Variants in PTPRT observed in about 807,000 individuals in gnomAD.
The protein encoded by PTPRT is receptor-type tyrosine-protein phosphatase T.
A neutral mutation model predicts 176.8 loss-of-function variants in PTPRT; 56 were observed. That is an observed-to-expected ratio of 0.32 (90% CI 0.26 to 0.40). The LOEUF is 0.40. PTPRT is among the 10% of genes least tolerant of loss of function. PTPRT has a pLI of 1.00. For synonymous variants in PTPRT, 783 were observed against 739.0 expected, an observed-to-expected ratio of 1.06 and a Z score of -0.96; for missense variants, 1,540 against 1,908.2, an observed-to-expected ratio of 0.81 and a Z score of 3.60.
intron 7 of PTPRT, among the ~76,000 whole-genome samples, chr20:42,549,833 T>C (rs1424379835): frequency 6.6e-6 from 1 of 152,154 alleles, no homozygotes; most frequent in Non-Finnish European, 1.5e-5. Flanking sequence ...TCAACACTAC[T>C]GTGGAAAATC....
intron 7 of PTPRT, among the ~76,000 whole-genome samples, chr20:42,662,617 G>A (rs2075243529): frequency 1.3e-5 from 2 of 152,142 alleles, no homozygotes; most frequent in African/African-American, 4.8e-5. Flanking sequence ...AACAGAGGGG[G>A]AAACTGATTC....
chr20:42,276,496 AATAT>A (rs61484693), intron 13 of PTPRT, among the ~76,000 whole-genome samples: 12 of 44,172 alleles, frequency 2.7e-4, no homozygotes, highest in Non-Finnish European at 3.8e-4. Flanking sequence ...GAAAGAAGGA[AATAT>A]ATATATATAT....
chr20:42,210,857 A>G (rs903397343), intron 15 of PTPRT, among the ~76,000 whole-genome samples: 5 of 152,144 alleles, frequency 3.3e-5, no homozygotes, highest in Non-Finnish European at 5.9e-5. Flanking sequence ...AACCCAAAAG[A>G]ACAAAGCTGG....
intron 1 of PTPRT, among the ~76,000 whole-genome samples, chr20:43,046,314 G>A (rs540650665): frequency 3.9e-5 from 6 of 152,162 alleles, no homozygotes; most frequent in South Asian, 2.1e-4. Flanking sequence ...GCTCGCACCT[G>A]TAATCCCAGC....
chr20:42,388,153 A>G (rs924207885), intron 9 of PTPRT, among the ~76,000 whole-genome samples: 4 of 152,212 alleles, frequency 2.6e-5, no homozygotes, highest in African/African-American at 9.6e-5. Flanking sequence ...CCAGTCCAAA[A>G]CATTAATAGT....
At chr20:42,303,465 C>T (rs564567923) in intron 12 of PTPRT, among the ~76,000 whole-genome samples, 10 of 152,276 alleles carry the variant, frequency 6.6e-5, no homozygotes, top group African/African-American at 2.4e-4. Flanking sequence ...ATGAAGCTAT[C>T]TTGTGGGACT....
intron 27 of PTPRT, among the ~76,000 whole-genome samples, chr20:42,092,397 T>C (rs1345304356): frequency 6.6e-6 from 1 of 152,184 alleles, no homozygotes; most frequent in Non-Finnish European, 1.5e-5. Context: ...AGAGCAAATT[T>C]TATTTAAATC....
chr20:42,310,075 T>C (rs1318607380), intron 12 of PTPRT, among the ~76,000 whole-genome samples: 1 of 152,156 alleles, frequency 6.6e-6, no homozygotes, highest in Admixed American at 6.5e-5. Flanking sequence ...AAGACAGATG[T>C]AGGTAAAATG....
chr20:42,759,247 CTTTTA>C (rs1174896356), intron 5 of PTPRT, among the ~76,000 whole-genome samples: 2 of 152,322 alleles, frequency 1.3e-5, no homozygotes, highest in East Asian at 3.9e-4. Context: ...ATCATAAACA[CTTTTA>C]TTTTTTCTTT....
intron 1 of PTPRT, among the ~76,000 whole-genome samples, chr20:43,076,939 C>T (rs1258715382): frequency 5.3e-5 from 8 of 152,168 alleles, no homozygotes. Flanking sequence ...ACTTCTTGTC[C>T]TGCCTCCCAA....
At chr20:42,320,362 C>T (rs938653828) in intron 11 of PTPRT, among the ~76,000 whole-genome samples, 1 of 152,156 alleles carries the variant, frequency 6.6e-6, no homozygotes, top group East Asian at 1.9e-4. Flanking sequence ...GACCAGGGAC[C>T]TATCAGAGCC....
intron 6 of PTPRT, among the ~76,000 whole-genome samples, chr20:42,678,651 T>C (rs533721328): frequency 6.6e-6 from 1 of 152,210 alleles, no homozygotes; most frequent in Non-Finnish European, 1.5e-5. Context: ...AGGGTTTGCA[T>C]GTAAGTACCT....
chr20:42,528,356 TCA>T (rs1357137687), intron 7 of PTPRT, among the ~76,000 whole-genome samples: 1 of 151,858 alleles, frequency 6.6e-6, no homozygotes, highest in Admixed American at 6.6e-5. Context: ...CCAATACTGC[TCA>T]CAGTGTCTGG....
chr20:42,152,725 T>C (rs1290855749), intron 17 of PTPRT, among the ~76,000 whole-genome samples: 2 of 152,190 alleles, frequency 1.3e-5, no homozygotes, highest in African/African-American at 4.8e-5. Context: ...TCCATGGTCA[T>C]GCATGAGCTT....
At chr20:42,422,809 GAT>G (rs2059130677) in intron 9 of PTPRT, among the ~76,000 whole-genome samples, 1 of 152,140 alleles carries the variant, frequency 6.6e-6, no homozygotes, top group Non-Finnish European at 1.5e-5. Flanking sequence ...GCCCATCAAT[GAT>G]AGGCTGGATA....
chr20:42,675,206 C>T (rs973539305), intron 7 of PTPRT, among the ~76,000 whole-genome samples: 1 of 152,172 alleles, frequency 6.6e-6, no homozygotes, highest in Non-Finnish European at 1.5e-5. Flanking sequence ...TGCCCACTTC[C>T]ACAGCAAACT....
In PTPRT at chr20:42,110,424, C is replaced by T. The variant is rs780908301; in HGVS notation, c.3163G>A (p.Val1055Ile). 3.7e-5 allele frequency: 60 copies of T among 1,612,892 alleles called. No individual in the cohort carries two copies. The highest frequency in any genetic ancestry group is 1.6e-4 in the South Asian group (15 of 90,982). Residue 1055 changes from valine (V) to isoleucine (I), a missense_variant, in exon 23 of 31, where the codon GTT becomes ATT. This residue lies in a region of PTPRT where 248 missense variants were observed against 356.7 expected (regional missense o/e 0.70). Transcript: ENST00000373187. Reference protein sequence around the residue: ...FHFTSWPDHGVPCYATGLLGF... With the variant: ...FHFTSWPDHGIPCYATGLLGF... ...AGAAGGCCAGTGGCATAGCAGGGAA[C>T]GCCGTGGTCAGGCCAGCTGGTGAAG...
intron 7 of PTPRT, among the ~76,000 whole-genome samples, chr20:42,567,337 A>G (rs1383001086): frequency 1.3e-5 from 2 of 152,080 alleles, no homozygotes; most frequent in Non-Finnish European, 2.9e-5. Flanking sequence ...AAATAGCTGT[A>G]TTGAGCCATT....
intron 7 of PTPRT, among the ~76,000 whole-genome samples, chr20:42,626,607 G>C (rs2074293837): frequency 1.3e-5 from 2 of 152,142 alleles, no homozygotes. Context: ...ACCAGCCCCA[G>C]CTAGGCCTCT....
Sources: gnomAD v4.1 joint callset for allele counts (sites outside exome capture counted in the v4.1 genomes callset) on GRCh38, gnomAD v4.1.1 for gene constraint, gnomAD v4.1.1 regional missense constraint, MANE v1.5 for transcripts, NCBI Gene and HGNC (gene_info 2026-07-23, HGNC 2026-07-21) for gene names.